Variants in ARSF observed in about 807,000 individuals in gnomAD.
ARSF encodes the protein arylsulfatase F.
Under a neutral mutation model 35.4 loss-of-function variants are expected in ARSF, and 33 were observed. That is an observed-to-expected ratio of 0.93 (90% CI 0.71 to 1.25). The LOEUF (loss-of-function observed/expected upper bound fraction) is 1.25. ARSF is among the 50% of genes most tolerant of loss of function. The pLI is 0.00. For missense variants in ARSF, 501 were observed against 480.2 expected (o/e 1.04, Z -0.40); for synonymous variants, 222 against 193.1 (o/e 1.15, Z -1.24).
At position 3,089,551 on chromosome X, in the gene ARSF, C is replaced by A. The variant is rs147774191; in HGVS notation, c.886C>A (p.Leu296Ile). The A allele has an allele frequency of 8.3e-7, 1 of 1,210,060 alleles. No homozygotes were observed. The highest frequency in any genetic ancestry group is 1.7e-5 in the African/African-American group (1 of 57,251). Residue 296 changes from leucine to isoleucine, a missense_variant, in exon 7 of 11, where the codon CTC becomes ATC. Transcript: ENST00000381127. ...FFSFLHVHTP[L>I]PTTDDFTGTS... is the part of the protein sequence containing the mutation. The stretch of plus-strand genomic sequence containing the variant: ...CTCCTTTCTTCACGTGCACACACCT[C>A]TCCCCACCACGGACGATTTCACTGG...
intron 7 of ARSF, among the ~76,000 whole-genome samples, chrX:3,091,687 A>C (rs1027945933): frequency 3.6e-5 from 4 of 112,354 alleles, no homozygotes; most frequent in African/African-American, 1.3e-4. Flanking sequence ...ATAGATGTTT[A>C]TGTAGGTATA....
intron 3 of ARSF, among the ~76,000 whole-genome samples, chrX:3,074,025 C>T (rs2090128786): frequency 9.1e-6 from 1 of 110,162 alleles, no homozygotes; most frequent in Admixed American, 1.0e-4. Context: ...AAGATCATTG[C>T]GTTGTATGAC....
At chrX:3,094,578 A>G (rs760935498) in intron 7 of ARSF, among the ~76,000 whole-genome samples, 159 of 112,226 alleles carry the variant, frequency 1.4e-3, no homozygotes, top group African/African-American at 4.8e-3. Flanking sequence ...AGGTTTCTCA[A>G]GAATGCAGAT....
chrX:3,052,358 C>T (rs1330682091), intron 1 of ARSF, among the ~76,000 whole-genome samples: 1 of 112,161 alleles, frequency 8.9e-6, no homozygotes, highest in Non-Finnish European at 1.9e-5. Flanking sequence ...GCATGTCCTT[C>T]ATATTTTGGC....
chrX:3,104,037 C>T, intron 9 of ARSF, 113 bp downstream of exon 9: 1 of 810,419 alleles, frequency 1.2e-6, no homozygotes, highest in Non-Finnish European at 1.8e-6. Context: ...TCCCTAGTAT[C>T]TACACAGTTT....
intron 9 of ARSF, 93 bp from the exon 10 acceptor site, chrX:3,110,035 T>A (rs1178424133): frequency 1.1e-6 from 1 of 929,518 alleles, no homozygotes; most frequent in African/African-American, 2.0e-5. Context: ...ACCTGAGGCA[T>A]GACGCAGTCT....
intron 6 of ARSF, among the ~76,000 whole-genome samples, chrX:3,086,751 G>T (rs1036924138): frequency 2.1e-4 from 23 of 111,855 alleles, no homozygotes; most frequent in African/African-American, 7.1e-4. Context: ...CTGGGAGGTT[G>T]AGGCTGCAGT....
chrX:3,091,488 G>A (rs2090289690), intron 7 of ARSF, among the ~76,000 whole-genome samples: 1 of 112,619 alleles, frequency 8.9e-6, no homozygotes, highest in Non-Finnish European at 1.9e-5. Context: ...TCACATATAT[G>A]CAGGACACAA....
intron 7 of ARSF, among the ~76,000 whole-genome samples, chrX:3,097,899 G>A (rs1007841385): frequency 3.6e-5 from 4 of 110,452 alleles, no homozygotes; most frequent in African/African-American, 6.6e-5. Flanking sequence ...GTGTGGTGGC[G>A]CATGCCTGCA....
intron 1 of ARSF, among the ~76,000 whole-genome samples, chrX:3,062,177 C>G (rs181230009): frequency 8.9e-6 from 1 of 112,333 alleles, no homozygotes; most frequent in Admixed American, 9.5e-5. Flanking sequence ...TACATGGAAA[C>G]TGAACAACCT....
chrX:3,081,998 G>T (rs1187176120), intron 5 of ARSF, among the ~76,000 whole-genome samples: 1 of 111,701 alleles, frequency 9.0e-6, no homozygotes, highest in African/African-American at 3.3e-5. Context: ...CAGTAGCACT[G>T]CCTCTCCTCT....
chrX:3,049,165 A>G (rs1442459820), intron 1 of ARSF, among the ~76,000 whole-genome samples: 3 of 112,745 alleles, frequency 2.7e-5, no homozygotes, highest in Non-Finnish European at 5.6e-5. Context: ...GGTTTTCTAC[A>G]TTTTAGGGAG....
chrX:3,097,825 G>A (rs1224657893), intron 7 of ARSF, among the ~76,000 whole-genome samples: 2 of 111,343 alleles, frequency 1.8e-5, no homozygotes, highest in Non-Finnish European at 3.8e-5. Context: ...GAGGTCGGGA[G>A]TTCGAGACCA....
chrX:3,070,097 C>A (rs931612285), intron 2 of ARSF, among the ~76,000 whole-genome samples: 1 of 111,795 alleles, frequency 8.9e-6, no homozygotes, highest in African/African-American at 3.2e-5. Context: ...CCCTTTCCTT[C>A]TATGAGATCA....
At chrX:3,075,419 TCTC>T (rs1238159272) in intron 3 of ARSF, among the ~76,000 whole-genome samples, 2 of 109,932 alleles carry the variant, frequency 1.8e-5, no homozygotes, top group African/African-American at 6.6e-5. Context: ...TGTCTCTCTC[TCTC>T]CTCTTTCTGT....
intron 6 of ARSF, among the ~76,000 whole-genome samples, chrX:3,086,243 G>A (rs759216566): frequency 8.9e-6 from 1 of 111,910 alleles, no homozygotes; most frequent in Admixed American, 9.5e-5. Context: ...CTGCCAGTTC[G>A]TCTTCAAACA....
At chrX:3,054,813 A>G in intron 1 of ARSF, among the ~76,000 whole-genome samples, 1 of 106,593 alleles carries the variant, frequency 9.4e-6, no homozygotes, top group Non-Finnish European at 1.9e-5. Context: ...GGCTCACTGC[A>G]ATCTCCGCCT....
chrX:3,068,785 G>T (rs2090083526), intron 2 of ARSF, among the ~76,000 whole-genome samples: 1 of 111,800 alleles, frequency 8.9e-6, no homozygotes, highest in Non-Finnish European at 1.9e-5. Flanking sequence ...AACTAACTTT[G>T]CATAGATGAA....
At chrX:3,057,006 A>G (rs1473681669) in intron 1 of ARSF, among the ~76,000 whole-genome samples, 3 of 111,711 alleles carry the variant, frequency 2.7e-5, no homozygotes, top group Non-Finnish European at 5.6e-5. Context: ...CCTGGAAGTC[A>G]GATGCTCAGG....
Sources: gnomAD v4.1 joint callset for allele counts (sites outside exome capture counted in the v4.1 genomes callset) on GRCh38, gnomAD v4.1.1 for gene constraint, MANE v1.5 for transcripts, NCBI Gene and HGNC (gene_info 2026-07-23, HGNC 2026-07-21) for gene names.